The following GALK2 variants were observed in gnomAD, a reference collection of about 807,000 sequenced individuals.
GALK2 encodes the protein N-acetylgalactosamine kinase.
Under a neutral mutation model 52.4 loss-of-function variants are expected in GALK2, and 36 were observed. That is an observed-to-expected ratio of 0.69 (90% confidence interval 0.53 to 0.91). The LOEUF (loss-of-function observed/expected upper bound fraction) is 0.91, where lower values mean the gene tolerates loss of function less well. Among genes scored for constraint, GALK2 ranks in the 40% least tolerant of loss-of-function variants. The pLI, the probability that GALK2 is intolerant of heterozygous loss-of-function variation, is 0.00. For synonymous variants in GALK2, 176 were observed against 199.1 expected (o/e 0.88, Z 0.98); for missense variants, 579 against 559.1 (o/e 1.04, Z -0.36).
chr15:49,169,496 T>C (rs1054345994), upstream of GALK2, among the ~76,000 whole-genome samples: 10 of 152,276 alleles, frequency 6.6e-5, 1 homozygote, highest in African/African-American at 2.2e-4. Context: ...CCCCAGTTGC[T>C]TTCTAGTGGT....
chr15:49,180,563 G>T (rs1204090052), intron 1 of GALK2, among the ~76,000 whole-genome samples: 1 of 152,136 alleles, frequency 6.6e-6, no homozygotes, highest in Non-Finnish European at 1.5e-5. Flanking sequence ...CAAAATTGAT[G>T]ATTTACTTCA....
chr15:49,311,073 T>C (rs2035950272), intron 8 of GALK2, among the ~76,000 whole-genome samples: 1 of 152,330 alleles, frequency 6.6e-6, no homozygotes, highest in East Asian at 1.9e-4. Context: ...TTTTATATGG[T>C]GAGAGACAGG....
intron 5 of GALK2, among the ~76,000 whole-genome samples, chr15:49,248,984 C>A (rs1026967096): frequency 6.6e-6 from 1 of 152,060 alleles, no homozygotes; most frequent in Non-Finnish European, 1.5e-5. Context: ...ATCCTTAAAT[C>A]GTTATTACTC....
At chr15:49,285,919 C>G (rs938993681) in intron 7 of GALK2, among the ~76,000 whole-genome samples, 9 of 152,158 alleles carry the variant, frequency 5.9e-5, no homozygotes, top group African/African-American at 1.7e-4. Flanking sequence ...TATCTGAGAC[C>G]TGTGCACCTC....
intron 6 of GALK2, 29 bp downstream of exon 6, chr15:49,282,114 C>T (rs377680554): frequency 2.5e-4 from 378 of 1,532,982 alleles, no homozygotes; most frequent in Admixed American, 4.5e-4. Context: ...AGGAACCATT[C>T]AGAAATTCCT....
chr15:49,187,336 G>T (rs1349142452), intron 1 of GALK2, among the ~76,000 whole-genome samples: 1 of 152,168 alleles, frequency 6.6e-6, no homozygotes, highest in African/African-American at 2.4e-5. Flanking sequence ...GGGGATGGGA[G>T]ACACAAGTAG....
intron 5 of GALK2, among the ~76,000 whole-genome samples, chr15:49,261,829 G>A (rs1292865903): frequency 6.6e-6 from 1 of 152,110 alleles, no homozygotes; most frequent in Non-Finnish European, 1.5e-5. Context: ...AGATAATCAT[G>A]TGGTTTTTGT....
At chr15:49,299,359 G>A (rs1174151918) in intron 8 of GALK2, among the ~76,000 whole-genome samples, 1 of 151,964 alleles carries the variant, frequency 6.6e-6, no homozygotes, top group Non-Finnish European at 1.5e-5. Flanking sequence ...TTGATCTTTT[G>A]TATGGATTTT....
At chr15:49,361,770 T>C (rs1267975781) in intron 3 of GALK2, among the ~76,000 whole-genome samples, 2 of 152,074 alleles carry the variant, frequency 1.3e-5, no homozygotes, top group African/African-American at 2.4e-5. Flanking sequence ...TCAGTAATAG[T>C]ATTGCTGAGT....
chr15:49,229,397 C>T (rs1239511750), intron 3 of GALK2, among the ~76,000 whole-genome samples: 1 of 152,060 alleles, frequency 6.6e-6, no homozygotes. Flanking sequence ...GTAGAACAAC[C>T]CTCTGGCTCC....
intron 4 of GALK2, among the ~76,000 whole-genome samples, chr15:49,238,918 A>C (rs2090961634): frequency 6.6e-6 from 1 of 152,204 alleles, no homozygotes; most frequent in Non-Finnish European, 1.5e-5. Flanking sequence ...AAATCAATTA[A>C]TACTCAAGAA....
At chr15:49,192,853 TG>T (rs1382778762) in intron 1 of GALK2, among the ~76,000 whole-genome samples, 1 of 152,116 alleles carries the variant, frequency 6.6e-6, no homozygotes, top group Non-Finnish European at 1.5e-5. Flanking sequence ...TCACCCTATG[TG>T]GCCTAAGCTA....
chr15:49,263,965 G>C (rs996032885), intron 5 of GALK2, among the ~76,000 whole-genome samples: 9 of 151,964 alleles, frequency 5.9e-5, no homozygotes, highest in African/African-American at 1.9e-4. Flanking sequence ...GCTTCCCTTT[G>C]AGGGTAACCC....
chr15:49,355,221 A>T (rs1019540144), intron 3 of GALK2, among the ~76,000 whole-genome samples: 3 of 152,236 alleles, frequency 2.0e-5, no homozygotes, highest in Non-Finnish European at 2.9e-5. Context: ...TCACCAGCAA[A>T]GGAACAAAGC....
chr15:49,356,364 G>C (rs1287550822), intron 3 of GALK2, among the ~76,000 whole-genome samples: 2 of 149,822 alleles, frequency 1.3e-5, no homozygotes, highest in African/African-American at 4.9e-5. Flanking sequence ...ACACACATAG[G>C]CTCAAAATAA....
chr15:49,227,356 G>C (rs1241168251), intron 3 of GALK2, among the ~76,000 whole-genome samples: 2 of 151,980 alleles, frequency 1.3e-5, no homozygotes, highest in Admixed American at 1.3e-4. Flanking sequence ...TTGCTAATTT[G>C]ATCCCTTTGT....
At chr15:49,276,779 C>A (rs2031734076) in intron 5 of GALK2, among the ~76,000 whole-genome samples, 1 of 152,120 alleles carries the variant, frequency 6.6e-6, no homozygotes, top group Non-Finnish European at 1.5e-5. Flanking sequence ...GTCATGCTAT[C>A]TCTGGCTTAG....
intron 1 of GALK2, chr15:49,156,217 CAACGAGTTGTA>C (rs2084442728): frequency 1.7e-6 from 1 of 590,600 alleles, no homozygotes; most frequent in East Asian, 3.0e-5. Context: ...CTCAGTTGTT[CAACGAGTTGTA>C]AACTGACCTT....
intron 1 of GALK2, among the ~76,000 whole-genome samples, chr15:49,188,252 C>T (rs1265796798): frequency 6.6e-6 from 1 of 152,138 alleles, no homozygotes; most frequent in South Asian, 2.1e-4. Flanking sequence ...TGTTTAGGAA[C>T]CTGTTGTGCT....
Sources: allele counts gnomAD v4.1 joint callset (sites outside exome capture counted in the v4.1 genomes callset), GRCh38; gene constraint gnomAD v4.1.1; transcripts MANE v1.5; gene names NCBI Gene and HGNC (gene_info 2026-07-23, HGNC 2026-07-21).